The following COPA variants were observed in gnomAD, a reference collection of about 807,000 sequenced individuals.
COPA encodes coatomer subunit alpha.
A neutral mutation model predicts 158.7 loss-of-function variants in COPA; 10 were observed. The ratio of observed to expected loss-of-function variants is 0.06; its 90% CI spans 0.04 to 0.11. The LOEUF (loss-of-function observed/expected upper bound fraction) is 0.11. COPA is among the 10% of genes least tolerant of loss of function. The pLI is 1.00. For synonymous variants in COPA, 462 were observed against 542.8 expected, an observed-to-expected ratio of 0.85 and a Z score of 2.07; for missense variants, 1,065 against 1,536.7, an observed-to-expected ratio of 0.69 and a Z score of 5.13.
chr1:160,329,136 A>G (rs937714493), intron 6 of COPA, among the ~76,000 whole-genome samples: 2 of 152,232 alleles, frequency 1.3e-5, no homozygotes, highest in Non-Finnish European at 2.9e-5. Flanking sequence ...GCTGATTTCT[A>G]GAGAAGGAAA....
In COPA at chr1:160,289,628, T is replaced by C. The variant is rs146809087; in HGVS notation, c.*529A>G. 6.6e-6 allele frequency: 1 copy of C among 151,408 alleles called. No individual in the cohort carries two copies. Among genetic ancestry groups the C allele is most frequent in the Non-Finnish European group, 1.5e-5 (1 of 67,984 alleles). 9.4% of individuals were successfully genotyped at this position (151,408 alleles called of 1,614,324 possible). A position where few individuals can be genotyped will look rare whatever the true frequency, so the allele number is the denominator to read the frequency against. On this transcript the variant is annotated 3_prime_UTR_variant, in exon 33 of 33. Transcript: ENST00000241704. ...TTTTTTGAGACAGAGTCTTGCTCTG[T>C]CACCCAGGCTGGAATGAAGTGGTAT...
At chr1:160,330,289 T>C (rs573378583) in intron 6 of COPA, among the ~76,000 whole-genome samples, 91 of 152,312 alleles carry the variant, frequency 6.0e-4, no homozygotes, top group African/African-American at 2.0e-3. Context: ...CTAAGCTCCC[T>C]GGTACTGGCA....
rs1019148743 is a variant in COPA at position 160,305,921 on chromosome 1, A to G, written c.1443-148T>C. On this transcript the variant is annotated intron_variant, in intron 15 of 32. Coordinates refer to ENST00000241704, the MANE Select transcript of COPA (RefSeq NM_004371.4). ...ATAAAATACTTAATGTAATTCCTAC[A>G]TAGTAGCTCAGTGACTTAAACATTT... 3.2e-5 allele frequency: 22 copies of G among 693,022 alleles called. No individual in the cohort carries two copies. The African/African-American group carries it at 3.9e-4, about 12-fold the overall frequency. 42.9% of individuals were successfully genotyped at this position (693,022 alleles called of 1,614,324 possible).
intron 7 of COPA, 41 bp downstream of exon 7, chr1:160,325,502 A>G (rs1659461613): frequency 6.7e-7 from 1 of 1,500,866 alleles, no homozygotes; most frequent in Non-Finnish European, 9.3e-7. Flanking sequence ...CTTTCCCAAG[A>G]TGACAGCCCA....
At chr1:160,312,125 T>G in intron 10 of COPA, 107 bp from the exon 11 acceptor site, 9 of 1,053,758 alleles carry the variant, frequency 8.5e-6, no homozygotes, top group Non-Finnish European at 1.2e-5. Flanking sequence ...ACAAGACACC[T>G]GAATGCATCC....
chr1:160,333,365 G>A (rs564317818), intron 5 of COPA: 1 of 403,388 alleles, frequency 2.5e-6, no homozygotes, highest in Non-Finnish European at 4.4e-6. Context: ...AAAAGTTCTT[G>A]TTCTAAAAGG....
rs1385353246 is a variant in COPA at position 160,311,912 on chromosome 1, C to G, written c.1032G>C (p.Leu344=). 1 of 1,614,008 alleles carries G rather than the reference C, an allele frequency of 6.2e-7. No individual in the cohort carries two copies. Among genetic ancestry groups the G allele is most frequent in the Non-Finnish European group, 8.5e-7 (1 of 1,179,916 alleles). Residue 344 remains leucine, a synonymous_variant, in exon 11 of 33, where the codon CTG becomes CTC. Transcript: ENST00000241704. ...HYVKDRFLRQ[L]DFNSSKDVAV... The stretch of plus-strand genomic sequence containing the variant: ...CTACATCTTTGGAGCTGTTGAAATC[C>G]AGCTGTCGTAAGAATCGGTCCTTGA...
rs187438215 is a variant in COPA, at chr1:160,336,953, G to A, written c.229-1631C>T. On this transcript the variant is annotated intron_variant, in intron 3 of 32. Coordinates refer to ENST00000241704, the MANE Select transcript of COPA (RefSeq NM_004371.4). ...ACACAGTGCCTGACATTAGGTAAGT[G>A]CTCAGTAAGCATTATGTATGGAAAT... Among the ~76,000 whole-genome samples, 517 of 152,218 alleles carry A rather than the reference G, an allele frequency of 3.4e-3. 4 individuals are homozygous for A. The highest frequency in any genetic ancestry group is 0.012 in the African/African-American group (486 of 41,524).
intron 6 of COPA, among the ~76,000 whole-genome samples, chr1:160,328,329 T>C (rs528793343): frequency 6.6e-6 from 1 of 152,268 alleles, no homozygotes; most frequent in African/African-American, 2.4e-5. Context: ...TATGACAGAA[T>C]GGAAGGCTTT....
At chr1:160,318,438 T>C (rs1659215665) in intron 8 of COPA, among the ~76,000 whole-genome samples, 1 of 117,370 alleles carries the variant, frequency 8.5e-6, no homozygotes, top group African/African-American at 3.1e-5. Context: ...ACATTGTCTG[T>C]ACCAGCTTCA....
intron 21 of COPA, 92 bp from the exon 22 acceptor site, chr1:160,296,241 T>G: frequency 2.0e-6 from 2 of 1,012,852 alleles, no homozygotes; most frequent in South Asian, 2.7e-5. Context: ...CAGTAATCCC[T>G]GACTCCTGGT....
chr1:160,306,572 A>T (rs1658791995), intron 14 of COPA, 79 bp from the exon 15 acceptor site: 4 of 1,555,300 alleles, frequency 2.6e-6, no homozygotes, highest in Non-Finnish European at 3.5e-6. Context: ...TTCCTCAGCA[A>T]TTGTTCCTTA....
rs777406755 is a variant in COPA at position 160,339,968 on chromosome 1, T to C, written c.169A>G (p.Ile57Val). 2 of 1,614,028 alleles carry C rather than the reference T, an allele frequency of 1.2e-6. No individual in the cohort carries two copies. Among genetic ancestry groups the C allele is most frequent in the Non-Finnish European group, 1.7e-6 (2 of 1,179,982 alleles). Reference sequence around the variant, plus strand: ...AGTGGCTGCTGCTTATGGAAGTCAATGCCTCGCACTGGACCTGGTGGAGAA... The same window carrying C: ...AGTGGCTGCTGCTTATGGAAGTCAACGCCTCGCACTGGACCTGGTGGAGAA... ...FDEHDGPVRG[I>V]DFHKQQPLFV... The change falls in exon 3 of 33, where the codon ATT becomes GTT. Residue 57 changes from isoleucine (I) to valine (V), a missense_variant. Around this residue, in one of 2 missense-constraint regions of COPA, gnomAD observed 85 missense variants for 178.9 expected, o/e 0.48. Transcript: ENST00000241704.
intron 17 of COPA, among the ~76,000 whole-genome samples, chr1:160,303,795 GGACT>G (rs993295272): frequency 4.7e-4 from 71 of 152,054 alleles, no homozygotes; most frequent in African/African-American, 1.6e-3. Flanking sequence ...CTCTGACAAA[GGACT>G]GACATGCAAA....
chr1:160,313,695 G>A (rs745462208), intron 9 of COPA, among the ~76,000 whole-genome samples: 10 of 152,126 alleles, frequency 6.6e-5, no homozygotes, highest in African/African-American at 1.9e-4. Flanking sequence ...TTACAGGCAT[G>A]AGCCACCGCG....
chr1:160,312,991 T>G, intron 10 of COPA, 94 bp downstream of exon 10: 1 of 1,116,438 alleles, frequency 9.0e-7, no homozygotes, highest in Non-Finnish European at 1.3e-6. Context: ...CTTGTCATCC[T>G]ACTATACATT....
At position 160,290,575 on chromosome 1, in the gene COPA, G is replaced by A. The variant is rs745912040; in HGVS notation, c.3532C>T (p.Arg1178Cys). ...GGACACTTTTCTACTGGCTTTCCAC[G>A]GTAGATGGGCCGATATGATGCAGCA... is the stretch of plus-strand genomic sequence containing the variant. ...ICAASYRPIY[R>C]GKPVEKCPLS... The change falls in exon 32 of 33, where the codon CGT becomes TGT. Residue 1178 changes from arginine to cysteine, a missense_variant. This residue lies in a region of COPA where 980 missense variants were observed against 1,357.8 expected (regional missense o/e 0.72). Transcript: ENST00000241704. 28 of 1,614,072 alleles carry A rather than the reference G, an allele frequency of 1.7e-5. No individual in the cohort carries two copies. Among genetic ancestry groups the A allele is most frequent in the African/African-American group, 8.0e-5 (6 of 74,926 alleles).
rs112739845 is a variant in COPA, at chr1:160,326,151, A to C, written c.497-499T>G. The stretch of plus-strand genomic sequence containing the variant: ...GTGAGAATGGGGAAAAGAGTGGAAC[A>C]AGGAGTTCAATCTGTAACTGACTGT... On this transcript the variant is annotated intron_variant, in intron 6 of 32. Transcript: ENST00000241704. The C allele has an allele frequency of 7.2e-3, 1,145 of 158,150 alleles. 21 individuals are homozygous for C. Among genetic ancestry groups the C allele is most frequent in the African/African-American group, 0.026 (1,086 of 41,614 alleles). 9.8% of individuals were successfully genotyped at this position (158,150 alleles called of 1,614,324 possible). A position where few individuals can be genotyped will look rare whatever the true frequency, so the allele number is the denominator to read the frequency against.
At position 160,325,671 on chromosome 1, in the gene COPA, T is replaced by G; in HGVS notation, c.497-19A>C. 6.4e-7 allele frequency: 1 copy of G among 1,563,482 alleles called. No individual in the cohort carries two copies. The highest frequency in any genetic ancestry group is 8.8e-7 in the Non-Finnish European group (1 of 1,134,722). On this transcript the variant is annotated intron_variant, in intron 6 of 32. Transcript: ENST00000241704. ...CTCAGACCTTTGAAGGGATAAGGAG[T>G]GGGATGAAAGATGTAAACATAATAT...
Sources: gnomAD v4.1 joint callset for allele counts (sites outside exome capture counted in the v4.1 genomes callset) on GRCh38, gnomAD v4.1.1 for gene constraint, gnomAD v4.1.1 regional missense constraint, MANE v1.5 for transcripts, NCBI Gene and HGNC (gene_info 2026-07-23, HGNC 2026-07-21) for gene names.